PKP2: variants seen among roughly 807,000 people sequenced by gnomAD.
The protein encoded by PKP2 is plakophilin-2.
A neutral mutation model predicts 83.4 loss-of-function variants in PKP2; 73 were observed. That is an observed-to-expected ratio of 0.88 (90% CI 0.72 to 1.06). The LOEUF is 1.06. Ranked by LOEUF, PKP2 falls within the 50% of genes least tolerant of loss-of-function variation. PKP2 has a pLI of 0.00. For missense variants in PKP2, 966 were observed against 1,065.4 expected (o/e 0.91, Z 1.30); for synonymous variants, 409 against 430.4 (o/e 0.95, Z 0.62).
At chr12:32,866,139 C>T (rs1381067422) in intron 4 of PKP2, among the ~76,000 whole-genome samples, 1 of 151,834 alleles carries the variant, frequency 6.6e-6, no homozygotes, top group African/African-American at 2.4e-5. Flanking sequence ...GTCTTGTATA[C>T]AGAAAATATT....
intron 6 of PKP2, among the ~76,000 whole-genome samples, chr12:32,834,339 A>T (rs1956526636): frequency 6.6e-6 from 1 of 152,218 alleles, no homozygotes. Flanking sequence ...TAAGAGGGAG[A>T]ATAAAGGCAG....
chr12:32,816,133 C>A (rs766280794), intron 9 of PKP2, among the ~76,000 whole-genome samples: 4 of 152,074 alleles, frequency 2.6e-5, no homozygotes, highest in Admixed American at 2.6e-4. Context: ...GTTTGTGACA[C>A]GGGTATACTG....
rs777207291 is a variant in PKP2, at chr12:32,841,038, C to T, written c.1546G>A (p.Gly516Arg). The T allele has an allele frequency of 1.2e-6, 2 of 1,612,934 alleles. No homozygotes were observed. The highest frequency in any genetic ancestry group is 1.1e-5 in the South Asian group (1 of 91,020). The change falls in exon 6 of 13, where the codon GGA becomes AGA. Residue 516 changes from glycine to arginine, a missense_variant. Coordinates refer to ENST00000340811, the MANE Select transcript of PKP2 (RefSeq NM_001005242.3). The part of the protein sequence containing the change: ...LDFDIFYNVT[G>R]CLRNMSSAGA... ...TACAGGTAGCATTACCTTAGGCATC[C>T]AGTGACGTTGTAGAATATGTCAAAA...
chr12:32,879,973 C>T (rs142757795), intron 1 of PKP2, among the ~76,000 whole-genome samples: 44 of 151,698 alleles, frequency 2.9e-4, no homozygotes, highest in Admixed American at 1.2e-3. Flanking sequence ...TTTAGCTGGT[C>T]GAGACTATAA....
chr12:32,864,819 C>T (rs1956832319), intron 4 of PKP2, among the ~76,000 whole-genome samples: 1 of 152,166 alleles, frequency 6.6e-6, no homozygotes, highest in African/African-American at 2.4e-5. Flanking sequence ...ATAAGACAGA[C>T]AAATAGTCTT....
chr12:32,830,233 G>T (rs1388277703), intron 6 of PKP2, among the ~76,000 whole-genome samples: 1 of 152,144 alleles, frequency 6.6e-6, no homozygotes, highest in African/African-American at 2.4e-5. Context: ...TTGGGCTTTT[G>T]TTTAACTCCC....
chr12:32,894,843 C>G (rs971448595), intron 1 of PKP2: 1 of 152,086 alleles, frequency 6.6e-6, no homozygotes, highest in South Asian at 2.1e-4. Context: ...TCACTCATCC[C>G]GCAGTCTTTA....
chr12:32,869,095 C>A (rs931431925), intron 3 of PKP2, 33 bp from the exon 4 acceptor site: 5 of 1,612,526 alleles, frequency 3.1e-6, no homozygotes, highest in Non-Finnish European at 4.2e-6. Context: ...AGCCAGATTC[C>A]AAACCTCCCT....
At chr12:32,845,804 T>A (rs897033626) in intron 5 of PKP2, among the ~76,000 whole-genome samples, 6 of 152,132 alleles carry the variant, frequency 3.9e-5, no homozygotes, top group African/African-American at 1.2e-4. Context: ...AGGAATTTTT[T>A]TTTATTTATT....
rs1060501187 is a variant in PKP2 at position 32,792,687 on chromosome 12, T to C, written c.2402A>G (p.Tyr801Cys). 5 of 1,614,122 alleles carry C rather than the reference T, an allele frequency of 3.1e-6. No individual in the cohort carries two copies. The highest frequency in any genetic ancestry group is 3.3e-4 in the Middle Eastern group (2 of 6,062). Residue 801 changes from tyrosine (Y) to cysteine (C), a missense_variant, in exon 12 of 13, where the codon TAT (tyrosine) becomes TGT (cysteine). By Grantham distance (194) the Tyr-to-Cys change is radical (BLOSUM62 -2). Coordinates refer to ENST00000340811, the MANE Select transcript of PKP2 (RefSeq NM_001005242.3). ...KASKAASVLLYSLWAHTELHH... is the reference protein window; with the variant it reads ...KASKAASVLLCSLWAHTELHH... ...CAGTTCCGTGTGTGCCCACAGAGAA[T>C]ACAGAAGGACGGAAGCAGCTTTACT...
At position 32,883,801 on chromosome 12, in the gene PKP2, A is replaced by G. The variant is rs1194054776; in HGVS notation, c.224-4769T>C. On this transcript the variant is annotated intron_variant, in intron 1 of 12. Coordinates refer to ENST00000340811, the MANE Select transcript of PKP2 (RefSeq NM_001005242.3). ...GCTACTAATAGGACTGCTGAGAGAG[A>G]GGGTTTACCTGAGAAAGCATAGACT... Among the ~76,000 whole-genome samples the G allele has an allele frequency of 2.6e-5, 4 of 152,250 alleles. No individual in the cohort carries two copies. The East Asian group carries it at 7.7e-4, about 29-fold the overall frequency.
chr12:32,880,983 A>G (rs1188425791), intron 1 of PKP2, among the ~76,000 whole-genome samples: 1 of 152,208 alleles, frequency 6.6e-6, no homozygotes, highest in East Asian at 1.9e-4. Flanking sequence ...TGTTGAGAAT[A>G]CAACAACACA....
intron 6 of PKP2, among the ~76,000 whole-genome samples, chr12:32,825,538 G>T (rs1482788710): frequency 4.6e-5 from 7 of 152,088 alleles, no homozygotes; most frequent in African/African-American, 1.7e-4. Flanking sequence ...TTTATAATGT[G>T]TTAGTGTCAT....
At chr12:32,871,350 C>T (rs1374542300) in intron 3 of PKP2, among the ~76,000 whole-genome samples, 1 of 152,090 alleles carries the variant, frequency 6.6e-6, no homozygotes, top group Admixed American at 6.5e-5. Context: ...TGTGAGAGTG[C>T]AGTGATGTGA....
chr12:32,884,734 A>G (rs1957015781), intron 1 of PKP2, among the ~76,000 whole-genome samples: 1 of 152,042 alleles, frequency 6.6e-6, no homozygotes, highest in Non-Finnish European at 1.5e-5. Context: ...GTCTATTCTA[A>G]TAACAGGGAT....
intron 4 of PKP2, among the ~76,000 whole-genome samples, chr12:32,853,620 TCTCA>T (rs896770829): frequency 6.6e-6 from 1 of 151,820 alleles, no homozygotes; most frequent in Non-Finnish European, 1.5e-5. Context: ...AATTCTCCTG[TCTCA>T]CTCAGCCTCC....
intron 11 of PKP2, among the ~76,000 whole-genome samples, chr12:32,793,118 G>A (rs1956087565): frequency 6.6e-6 from 1 of 152,060 alleles, no homozygotes; most frequent in African/African-American, 2.4e-5. Context: ...GTGTGTGCCT[G>A]TAATCCCAGC....
chr12:32,809,148 C>T (rs1956253643), intron 9 of PKP2, among the ~76,000 whole-genome samples: 2 of 152,086 alleles, frequency 1.3e-5, no homozygotes, highest in African/African-American at 2.4e-5. Flanking sequence ...ACAGAGATGG[C>T]AGCCTCCCCT....
intron 4 of PKP2, among the ~76,000 whole-genome samples, chr12:32,868,623 A>T (rs1230984531): frequency 6.6e-6 from 1 of 152,102 alleles, no homozygotes; most frequent in African/African-American, 2.4e-5. Context: ...TCTGGCTTCA[A>T]GTGATTCTCC....
Sources: allele counts gnomAD v4.1 joint callset (sites outside exome capture counted in the v4.1 genomes callset), GRCh38; gene constraint gnomAD v4.1.1; transcripts MANE v1.5; gene names NCBI Gene and HGNC (gene_info 2026-07-23, HGNC 2026-07-21).